Variants in BAZ2B observed in about 807,000 individuals in gnomAD.
BAZ2B encodes bromodomain adjacent to zinc finger domain protein 2B.
BAZ2B carries 91 observed loss-of-function variants against 246.0 expected under a neutral mutation model. That is an observed-to-expected ratio of 0.37 (90% CI 0.31 to 0.44). The LOEUF is 0.44. Among genes scored for constraint, BAZ2B ranks in the 20% least tolerant of loss-of-function variants. The probability of loss-of-function intolerance (pLI) is 1.00; values close to 1 mark genes in which losing one functional copy is unlikely to be tolerated. For synonymous variants in BAZ2B, 855 were observed against 860.0 expected, an observed-to-expected ratio of 0.99 and a Z score of 0.10; for missense variants, 2,332 against 2,533.7, an observed-to-expected ratio of 0.92 and a Z score of 1.71.
intron 13 of BAZ2B, among the ~76,000 whole-genome samples, chr2:159,421,482 C>T (rs1328682123): frequency 6.6e-6 from 1 of 151,974 alleles, no homozygotes; most frequent in African/African-American, 2.4e-5. Context: ...GCCTTTTATC[C>T]CCGTTTCATT....
chr2:159,414,279 G>C (rs1213191368), intron 13 of BAZ2B, among the ~76,000 whole-genome samples: 4 of 152,148 alleles, frequency 2.6e-5, no homozygotes, highest in African/African-American at 9.7e-5. Context: ...AGGATAGTGA[G>C]AGGAGAGGGG....
At chr2:159,430,740 C>T in intron 10 of BAZ2B, 123 bp downstream of exon 10, 2 of 1,447,614 alleles carry the variant, frequency 1.4e-6, no homozygotes, top group Middle Eastern at 4.9e-4. Flanking sequence ...CCTTCCTTAG[C>T]CAACCTAAAA....
At chr2:159,645,448 T>C in the BAZ2B span, among the ~76,000 whole-genome samples, 1 of 152,010 alleles carries the variant, frequency 6.6e-6, no homozygotes, top group African/African-American at 2.4e-5. Flanking sequence ...CCACCTCAGA[T>C]CATCAGGCAT....
At chr2:159,577,155 G>C (rs12622391) in intron 1 of BAZ2B, among the ~76,000 whole-genome samples, 56,008 of 151,872 alleles carry the variant, frequency 0.37, 10,449 homozygotes, top group South Asian at 0.46. Context: ...TTGAGCCCAG[G>C]GGGTCAAGGC....
chr2:159,561,658 T>G (rs1559779159), intron 1 of BAZ2B, among the ~76,000 whole-genome samples: 1 of 152,212 alleles, frequency 6.6e-6, no homozygotes, highest in Non-Finnish European at 1.5e-5. Flanking sequence ...CCATATCAGA[T>G]GCTACTACTA....
chr2:159,644,807 C>A, the BAZ2B span, among the ~76,000 whole-genome samples: 1 of 152,190 alleles, frequency 6.6e-6, no homozygotes. Context: ...GCCATACCAC[C>A]CTTCGTGTTC....
intron 1 of BAZ2B, among the ~76,000 whole-genome samples, chr2:159,564,619 A>G (rs1345452886): frequency 6.6e-6 from 1 of 152,222 alleles, no homozygotes; most frequent in Admixed American, 6.5e-5. Context: ...AGAATAATTA[A>G]GGATGATTCC....
chr2:159,349,326 A>C (rs776226065), intron 28 of BAZ2B, 46 bp from the exon 29 acceptor site: 18 of 1,480,936 alleles, frequency 1.2e-5, no homozygotes, highest in Admixed American at 2.4e-5. Flanking sequence ...TTACTCTAAG[A>C]AGTTAGGAAA....
intron 2 of BAZ2B, among the ~76,000 whole-genome samples, chr2:159,542,992 T>G (rs1287577518): frequency 2.6e-5 from 4 of 152,132 alleles, no homozygotes; most frequent in African/African-American, 9.7e-5. Context: ...TCTGGGAAAA[T>G]TCCTTAACTT....
chr2:159,491,372 A>G (rs2080434615), intron 2 of BAZ2B, among the ~76,000 whole-genome samples: 1 of 152,190 alleles, frequency 6.6e-6, no homozygotes, highest in Admixed American at 6.5e-5. Flanking sequence ...GAAAGGAGGT[A>G]TATAATAATA....
chr2:159,497,632 G>A (rs1179981416), intron 2 of BAZ2B, among the ~76,000 whole-genome samples: 1 of 152,100 alleles, frequency 6.6e-6, no homozygotes, highest in Non-Finnish European at 1.5e-5. Flanking sequence ...AGGGAAAGTG[G>A]TTGCTGAGAT....
intron 1 of BAZ2B, among the ~76,000 whole-genome samples, chr2:159,575,299 C>A (rs998981324): frequency 1.3e-5 from 2 of 151,886 alleles, no homozygotes; most frequent in African/African-American, 4.8e-5. Context: ...CAACACTCTG[C>A]CTCCCAAAGA....
At position 159,349,203 on chromosome 2, in the gene BAZ2B, AAAT is replaced by A. The variant is rs2058296572; in HGVS notation, c.4938_4940del (p.Phe1647del). The stretch of plus-strand genomic sequence containing the variant: ...ATCCTAGACTAGGTACAGATGATGT[AAAT>A]GGAATATTAGAAGTAACCACACCAG... On this transcript the variant is annotated inframe_deletion, in exon 29 of 37. Coordinates refer to ENST00000392783, the MANE Select transcript of BAZ2B (RefSeq NM_013450.4). 6.2e-7 allele frequency: 1 copy of A among 1,614,088 alleles called. No individual in the cohort carries two copies. Among genetic ancestry groups the A allele is most frequent in the South Asian group, 1.1e-5 (1 of 91,080 alleles).
intron 18 of BAZ2B, chr2:159,398,310 A>G (rs2149707817): frequency 6.6e-6 from 1 of 152,348 alleles, no homozygotes; most frequent in Middle Eastern, 3.4e-3. Flanking sequence ...AATTAAAAGC[A>G]GCTAATTTTA....
In BAZ2B at chr2:159,337,687, T is replaced by C. The variant is rs2065903098; in HGVS notation, c.5540A>G (p.His1847Arg). Residue 1847 changes from histidine (H) to arginine (R), a missense_variant, in exon 32 of 37, where the codon CAT becomes CGT. His to Arg is a conservative substitution (Grantham distance 29). Coordinates refer to ENST00000392783, the MANE Select transcript of BAZ2B (RefSeq NM_013450.4). ...HKSFTKLCKE[H>R]DGEFTGEDES... The stretch of plus-strand genomic sequence containing the variant: ...GTCTTCGCCAGTAAATTCTCCATCA[T>C]GCTCCTTGCACAATTTAGTAAATGA... 1 of 1,614,224 alleles carries C rather than the reference T, an allele frequency of 6.2e-7. No homozygotes were observed. The highest frequency in any genetic ancestry group is 1.1e-5 in the South Asian group (1 of 91,086).
intron 27 of BAZ2B, among the ~76,000 whole-genome samples, chr2:159,354,594 G>C (rs952049803): frequency 6.6e-6 from 1 of 152,012 alleles, no homozygotes; most frequent in Non-Finnish European, 1.5e-5. Flanking sequence ...CACGTGATCC[G>C]CATGCCTCAG....
At chr2:159,495,474 G>T (rs1230232808) in intron 2 of BAZ2B, among the ~76,000 whole-genome samples, 2 of 97,420 alleles carry the variant, frequency 2.1e-5, no homozygotes, top group Non-Finnish European at 1.8e-5. Flanking sequence ...GACAGAGCGA[G>T]ACTCCGTCTC....
intron 22 of BAZ2B, 39 bp from the exon 23 acceptor site, chr2:159,385,408 C>T: frequency 6.6e-7 from 1 of 1,511,686 alleles, no homozygotes; most frequent in East Asian, 2.3e-5. Flanking sequence ...TTACTCACAA[C>T]CATTTATACC....
At position 159,428,010 on chromosome 2, in the gene BAZ2B, T is replaced by C; in HGVS notation, c.2397A>G (p.Ser799=). 1.2e-6 allele frequency: 2 copies of C among 1,612,218 alleles called. No individual in the cohort carries two copies. The highest frequency in any genetic ancestry group is 2.7e-5 in the African/African-American group (2 of 74,994). Residue 799 remains serine (S), a synonymous_variant, in exon 13 of 37, where the codon TCA becomes TCG. Coordinates refer to ENST00000392783, the MANE Select transcript of BAZ2B (RefSeq NM_013450.4). ...TTGCACTGAAGCTGAAATTGTCCCT[T>C]GAGATATCCATTATTCCATTTCTGC... is the stretch of plus-strand genomic sequence containing the variant. ...YLSRNGIMDI[S]RDNFSFSAKI... is the part of the protein sequence containing the mutation.
Sources: gnomAD v4.1 joint callset for allele counts (sites outside exome capture counted in the v4.1 genomes callset) on GRCh38, gnomAD v4.1.1 for gene constraint, MANE v1.5 for transcripts, NCBI Gene and HGNC (gene_info 2026-07-23, HGNC 2026-07-21) for gene names.